The following GCNT1 variants were observed in gnomAD, a reference collection of about 807,000 sequenced individuals.
GCNT1 encodes the protein beta-1,3-galactosyl-O-glycosyl-glycoprotein beta-1,6-N-acetylglucosaminyltransferase.
Under a neutral mutation model 26.2 loss-of-function variants are expected in GCNT1, and 16 were observed. The observed-to-expected ratio is 0.61, with a 90% CI of 0.41 to 0.93. The LOEUF (loss-of-function observed/expected upper bound fraction) is 0.93, where lower values mean the gene tolerates loss of function less well. GCNT1 is among the 40% of genes least tolerant of loss of function. GCNT1 has a pLI of 0.00. For synonymous variants in GCNT1, 183 were observed against 190.8 expected, an observed-to-expected ratio of 0.96 and a Z score of 0.34; for missense variants, 477 against 526.7, an observed-to-expected ratio of 0.91 and a Z score of 0.92.
intron 2 of GCNT1, among the ~76,000 whole-genome samples, chr9:76,465,551 A>G (rs1039156078): frequency 6.6e-6 from 1 of 152,192 alleles, no homozygotes; most frequent in Non-Finnish European, 1.5e-5. Flanking sequence ...GACCAATTAG[A>G]AAAAATGCAC....
At chr9:76,478,506 G>A (rs570279641) in intron 2 of GCNT1, among the ~76,000 whole-genome samples, 5 of 152,304 alleles carry the variant, frequency 3.3e-5, no homozygotes, top group South Asian at 4.1e-4. Context: ...AATACTCACC[G>A]GGAGGGTCCG....
intron 2 of GCNT1, among the ~76,000 whole-genome samples, chr9:76,498,851 A>C (rs992433314): frequency 1.3e-5 from 2 of 152,026 alleles, no homozygotes; most frequent in Non-Finnish European, 2.9e-5. Context: ...ATCATAAATT[A>C]ATGTAGCTGT....
rs1339544906 is a variant in GCNT1, at chr9:76,443,959, AAG to A, written c.-290+1645_-290+1646del. Among the ~76,000 whole-genome samples the A allele has an allele frequency of 3.7e-5, 3 of 80,134 alleles. No homozygotes were observed. In the East Asian group the frequency reaches 6.3e-4, roughly 17 times the overall value. 52.6% of individuals were successfully genotyped at this position (80,134 alleles called of 152,430 possible). ...GAAGGAAGGAAGGAAGGAAGGAAGG[AAG>A]GAAGGAAGGAAGGAAGGAAGGAAGG... On this transcript the variant is annotated intron_variant, in intron 1 of 2. Transcript: ENST00000442371.
intron 2 of GCNT1, among the ~76,000 whole-genome samples, chr9:76,483,349 C>G (rs1269348357): frequency 6.6e-6 from 1 of 151,618 alleles, no homozygotes; most frequent in Non-Finnish European, 1.5e-5. Context: ...AATAATAATG[C>G]TTATATGGTT....
At chr9:76,501,423 A>G (rs949836039) in intron 3 of GCNT1, among the ~76,000 whole-genome samples, 1 of 152,230 alleles carries the variant, frequency 6.6e-6, no homozygotes, top group Non-Finnish European at 1.5e-5. Context: ...ATAAATTACA[A>G]TTTGTATACA....
At chr9:76,401,347 C>T in the GCNT1 span, among the ~76,000 whole-genome samples, 1 of 152,118 alleles carries the variant, frequency 6.6e-6, no homozygotes, top group Non-Finnish European at 1.5e-5. Context: ...CACACTATAG[C>T]CTCGAAATCC....
At chr9:76,430,682 G>A (rs1368509483) in intron 1 of GCNT1, among the ~76,000 whole-genome samples, 2 of 151,856 alleles carry the variant, frequency 1.3e-5, no homozygotes, top group Admixed American at 1.3e-4. Context: ...CACTGCACCT[G>A]GTTAGTCCTC....
rs368114871 is a variant in GCNT1, at chr9:76,482,347, G to T, written c.-289-18569G>T. Among the ~76,000 whole-genome samples the T allele has an allele frequency of 8.8e-4, 134 of 152,146 alleles. 5 individuals are homozygous for T. In the South Asian group the frequency reaches 0.027, roughly 30 times the overall value. ...AAAAAAAAAAGAATCAGGGCTGGGC[G>T]TGGTGGCTCCATGCCTGTGATCCCA... On this transcript the variant is annotated intron_variant, in intron 2 of 3. Coordinates refer to ENST00000376730, the MANE Select transcript of GCNT1 (RefSeq NM_001490.5).
At chr9:76,470,095 A>G in intron 2 of GCNT1, among the ~76,000 whole-genome samples, 1 of 152,170 alleles carries the variant, frequency 6.6e-6, no homozygotes, top group Non-Finnish European at 1.5e-5. Flanking sequence ...CTTTGAGTCC[A>G]AGTCCTGTGT....
intron 2 of GCNT1, among the ~76,000 whole-genome samples, chr9:76,466,326 G>A (rs1044815603): frequency 6.6e-6 from 1 of 152,260 alleles, no homozygotes; most frequent in East Asian, 1.9e-4. Context: ...GTTTTTGACA[G>A]GATCTCTCTC....
rs1347433867 is a variant in GCNT1, at chr9:76,503,098, AAAC to A, written c.721_723del (p.Asn241del). 3 of 1,614,182 alleles carry A rather than the reference AAAC, an allele frequency of 1.9e-6. No individual in the cohort carries two copies. Among genetic ancestry groups the A allele is most frequent in the South Asian group, 2.2e-5 (2 of 91,080 alleles). On this transcript the variant is annotated inframe_deletion, in exon 4 of 4. Transcript: ENST00000376730. ...GGAAGCTCAAGTTGTTAATGGGAGAAAACAACCTGGAAACGGAGAGGATGCCAT... is the reference window on the plus strand; with the variant it reads ...GGAAGCTCAAGTTGTTAATGGGAGAAAACCTGGAAACGGAGAGGATGCCAT...
At chr9:76,463,058 G>A (rs527282707) in intron 2 of GCNT1, among the ~76,000 whole-genome samples, 134 of 152,168 alleles carry the variant, frequency 8.8e-4, no homozygotes, top group South Asian at 5.4e-3. Context: ...CAAAGGGAGC[G>A]CTACATAATG....
At chr9:76,463,835 T>G (rs1823932943) in intron 2 of GCNT1, among the ~76,000 whole-genome samples, 1 of 152,060 alleles carries the variant, frequency 6.6e-6, no homozygotes. Flanking sequence ...CATGTGACCT[T>G]GAGACCTAAC....
Position 76,505,150 on chromosome 9 carries a change from T to A in GCNT1, c.*1482T>A. The A allele has an allele frequency of 2.5e-6, 1 of 405,652 alleles. No homozygotes were observed. The highest frequency in any genetic ancestry group is 4.5e-6 in the Non-Finnish European group (1 of 221,746). 25.1% of individuals were successfully genotyped at this position (405,652 alleles called of 1,614,324 possible). On this transcript the variant is annotated 3_prime_UTR_variant, in exon 4 of 4. Coordinates refer to ENST00000376730, the MANE Select transcript of GCNT1 (RefSeq NM_001490.5). The stretch of plus-strand genomic sequence containing the variant: ...ACTTTAAACAAGAATTAAAATCATG[T>A]GCTGTATTTTTAAAATCTAGCCAAA...
intron 1 of GCNT1, among the ~76,000 whole-genome samples, chr9:76,453,211 C>T (rs1823702499): frequency 6.6e-6 from 1 of 152,076 alleles, no homozygotes; most frequent in Admixed American, 6.6e-5. Flanking sequence ...AGAAGGTGGT[C>T]AGAACAGAAG....
At chr9:76,464,597 CTAT>C (rs1011854606) in intron 2 of GCNT1, among the ~76,000 whole-genome samples, 2 of 151,972 alleles carry the variant, frequency 1.3e-5, no homozygotes, top group Non-Finnish European at 2.9e-5. Flanking sequence ...AGTGCAGTGG[CTAT>C]TCACAGGTGA....
upstream of GCNT1, among the ~76,000 whole-genome samples, chr9:76,437,209 G>A (rs1444491242): frequency 6.6e-6 from 1 of 152,158 alleles, no homozygotes. Context: ...TTGAATAGGA[G>A]CTGGGTAAAA....
At chr9:76,434,863 T>C (rs1355778234) in intron 1 of GCNT1, among the ~76,000 whole-genome samples, 2 of 152,072 alleles carry the variant, frequency 1.3e-5, no homozygotes, top group African/African-American at 4.8e-5. Context: ...ACTCTGGAAG[T>C]GTGGTTGAGA....
intron 2 of GCNT1, among the ~76,000 whole-genome samples, chr9:76,470,399 T>G (rs1397171969): frequency 6.6e-6 from 1 of 151,918 alleles, no homozygotes; most frequent in African/African-American, 2.4e-5. Flanking sequence ...AGCCCAGGAG[T>G]TCGAGACCAG....
Sources: allele counts gnomAD v4.1 joint callset (sites outside exome capture counted in the v4.1 genomes callset), GRCh38; gene constraint gnomAD v4.1.1; transcripts MANE v1.5; gene names NCBI Gene and HGNC (gene_info 2026-07-23, HGNC 2026-07-21).